CHRNA5: variants seen among roughly 807,000 people sequenced by gnomAD.
CHRNA5 encodes the protein neuronal acetylcholine receptor subunit alpha-5.
Under a neutral mutation model 41.2 loss-of-function variants are expected in CHRNA5, and 28 were observed. The observed-to-expected ratio is 0.68, with a 90% CI of 0.50 to 0.93. The LOEUF (loss-of-function observed/expected upper bound fraction) is 0.93. Among genes scored for constraint, CHRNA5 ranks in the 40% least tolerant of loss-of-function variants. The probability of loss-of-function intolerance (pLI) is 0.00; values close to 1 mark genes in which losing one functional copy is unlikely to be tolerated. For synonymous variants in CHRNA5, 188 were observed against 205.8 expected, an observed-to-expected ratio of 0.91 and a Z score of 0.74; for missense variants, 481 against 581.9, an observed-to-expected ratio of 0.83 and a Z score of 1.78.
intron 1 of CHRNA5, among the ~76,000 whole-genome samples, chr15:78,566,715 T>C (rs2052751110): frequency 1.3e-5 from 2 of 152,246 alleles, no homozygotes; most frequent in South Asian, 4.1e-4. Flanking sequence ...GTTAAGGTTT[T>C]TAATCTATGG....
intron 5 of CHRNA5, among the ~76,000 whole-genome samples, chr15:78,592,837 T>TC (rs1226376492): frequency 9.2e-5 from 14 of 152,190 alleles, no homozygotes; most frequent in Admixed American, 9.2e-4. Flanking sequence ...TAATTTTTAA[T>TC]CTATCAAAAT....
exon 6 of CHRNA5, chr15:78,595,250 T>G: frequency 1.0e-6 from 1 of 975,180 alleles, no homozygotes; most frequent in Non-Finnish European, 1.2e-6. Flanking sequence ...ATGATTTTTA[T>G]ATATAAATTT....
chr15:78,567,568 A>G (rs888936027), intron 1 of CHRNA5, among the ~76,000 whole-genome samples: 20 of 152,220 alleles, frequency 1.3e-4, no homozygotes, highest in African/African-American at 4.8e-4. Flanking sequence ...CTCTCTCATA[A>G]TAACCATCTG....
At chr15:78,580,823 C>G (rs772549498) in exon 2 of CHRNA5, 6 of 1,611,920 alleles carry the variant, frequency 3.7e-6, no homozygotes, top group Non-Finnish European at 5.1e-6. Context: ...TTATCTGAAC[C>G]TTCTTCTATT....
chr15:78,583,850 G>T (rs963847297), intron 2 of CHRNA5, among the ~76,000 whole-genome samples: 35 of 152,300 alleles, frequency 2.3e-4, no homozygotes, highest in Admixed American at 1.7e-3. Flanking sequence ...TGAGAACAAG[G>T]ATGTCCATCT....
At position 78,588,388 on chromosome 15, in the gene CHRNA5, CTCTG is replaced by C. The variant is rs776748138; in HGVS notation, c.383_386del (p.Val128GlyfsTer44). 17 of 1,582,388 alleles carry C rather than the reference CTCTG, an allele frequency of 1.1e-5. No individual in the cohort carries two copies. The East Asian group carries it at 1.4e-4, about 13-fold the overall frequency. ...TAAAAGTTATACGTGTTCCTTCAGA[CTCTG>C]TCTGGACACCAGACATCGTTTTGTT... On this transcript the variant is annotated frameshift_variant, in exon 4 of 6. Transcript: ENST00000299565. LOFTEE classifies it high-confidence loss of function. The surrounding 1 kb of genome is among the most constrained non-coding windows in gnomAD (Gnocchi z 4.1).
At chr15:78,584,959 G>A (rs1009350006) in intron 2 of CHRNA5, among the ~76,000 whole-genome samples, 6 of 152,088 alleles carry the variant, frequency 3.9e-5, no homozygotes, top group Admixed American at 6.6e-5. Flanking sequence ...AGTTTCTGTC[G>A]CCTAGGCTGG....
At chr15:78,593,856 C>T (rs8192482) in exon 6 of CHRNA5, 36,539 of 151,890 alleles carry the variant, frequency 0.24, 5,785 homozygotes, top group Middle Eastern at 0.4. Context: ...GCCTGACCAA[C>T]GTGGAGAAAC....
chr15:78,591,766 C>G (rs1415367239), intron 5 of CHRNA5, among the ~76,000 whole-genome samples: 1 of 152,118 alleles, frequency 6.6e-6, no homozygotes, highest in Non-Finnish European at 1.5e-5. Context: ...TAAGTTCTTT[C>G]ATGCTGATTT....
At chr15:78,592,106 G>C (rs1009071305) in intron 5 of CHRNA5, among the ~76,000 whole-genome samples, 14 of 152,018 alleles carry the variant, frequency 9.2e-5, no homozygotes, top group Non-Finnish European at 1.3e-4. Flanking sequence ...GGTGGATCAC[G>C]AGGTCAGGAG....
intron 5 of CHRNA5, among the ~76,000 whole-genome samples, chr15:78,592,278 C>A (rs775458987): frequency 2.6e-5 from 4 of 152,174 alleles, no homozygotes; most frequent in Non-Finnish European, 5.9e-5. Context: ...GCCGAGGTCA[C>A]GCCACTGCAC....
At chr15:78,590,673 C>A in intron 5 of CHRNA5, 37 bp downstream of exon 5, 1 of 1,527,172 alleles carries the variant, frequency 6.5e-7, no homozygotes. Flanking sequence ...GATCTTCTTC[C>A]ATTTTAAGTT....
In CHRNA5 at chr15:78,588,282, T is replaced by C; in HGVS notation, c.304-32T>C. 1 of 1,191,618 alleles carries C rather than the reference T, an allele frequency of 8.4e-7. No individual in the cohort carries two copies. The allele number at this position is 1,191,618 out of a possible 1,614,324, so 73.8% of individuals were successfully genotyped here. On this transcript the variant is annotated intron_variant, in intron 3 of 5. Coordinates refer to ENST00000299565, the Ensembl canonical transcript of CHRNA5. This position sits in a 1 kb window ranked among gnomAD's most constrained non-coding sequence, Gnocchi z 4.1. ...TCACTGTTTTTGACTATTAGTTTTA[T>C]TGAAATTGAGGCAGATTTCTTTGTT...
intron 1 of CHRNA5, among the ~76,000 whole-genome samples, chr15:78,574,521 A>G (rs2052839854): frequency 6.6e-6 from 1 of 152,124 alleles, no homozygotes; most frequent in Admixed American, 6.5e-5. Flanking sequence ...TTTGATTCAG[A>G]CGAGAGTGAA....
chr15:78,574,977 A>G (rs1470612559), intron 1 of CHRNA5, among the ~76,000 whole-genome samples: 1 of 151,804 alleles, frequency 6.6e-6, no homozygotes, highest in Non-Finnish European at 1.5e-5. Flanking sequence ...TGTCTTAAAA[A>G]AAAAAAAAAA....
chr15:78,585,276 G>A (rs1332616369), intron 2 of CHRNA5, among the ~76,000 whole-genome samples: 3 of 152,132 alleles, frequency 2.0e-5, no homozygotes, highest in Non-Finnish European at 1.5e-5. Context: ...AGAGATGGCC[G>A]TGCTGCATTT....
intron 1 of CHRNA5, among the ~76,000 whole-genome samples, chr15:78,572,994 T>C (rs1446269630): frequency 6.6e-6 from 1 of 152,190 alleles, no homozygotes; most frequent in African/African-American, 2.4e-5. Flanking sequence ...CTTTTGCAAT[T>C]ATAGCATCAT....
chr15:78,589,515 G>A, intron 4 of CHRNA5: 1 of 308,418 alleles, frequency 3.2e-6, no homozygotes, highest in Non-Finnish European at 5.9e-6. Flanking sequence ...TCTATTCTGT[G>A]TGTAAGGTGA....
Position 78,592,965 on chromosome 15 carries a change from C to G in CHRNA5, c.1246-127C>G, listed in dbSNP as rs952025523. On this transcript the variant is annotated intron_variant, in intron 5 of 5. Transcript: ENST00000299565. ...TGTCCCTGAGCTGAGTATAGGGTCA[C>G]TTACCGTTTAGAGGCAGCAATGGGA... 13 of 1,131,990 alleles carry G rather than the reference C, an allele frequency of 1.1e-5. No homozygotes were observed. The African/African-American group carries it at 2.0e-4, about 18-fold the overall frequency. 70.1% of individuals were successfully genotyped at this position (1,131,990 alleles called of 1,614,324 possible).
Sources: gnomAD v4.1 joint callset for allele counts (sites outside exome capture counted in the v4.1 genomes callset) on GRCh38, gnomAD v4.1.1 for gene constraint, Gnocchi (gnomAD v3.1) non-coding constraint, MANE v1.5 for transcripts, NCBI Gene and HGNC (gene_info 2026-07-23, HGNC 2026-07-21) for gene names.